The following TASOR2 variants were observed in gnomAD, a reference collection of about 807,000 sequenced individuals.
TASOR2 encodes the protein transcription activation suppressor family member 2, also known as protein TASOR 2.
Under a neutral mutation model 199.5 loss-of-function variants are expected in TASOR2, and 84 were observed. The observed-to-expected ratio is 0.42, with a 90% CI of 0.35 to 0.50. The LOEUF (loss-of-function observed/expected upper bound fraction) is 0.50. Among genes scored for constraint, TASOR2 ranks in the 20% least tolerant of loss-of-function variants. TASOR2 has a pLI of 0.02. For synonymous variants in TASOR2, 1,103 were observed against 1,046.6 expected, an observed-to-expected ratio of 1.05 and a Z score of -1.04; for missense variants, 2,796 against 2,835.9, an observed-to-expected ratio of 0.99 and a Z score of 0.32.
At chr10:5,756,781 T>A (rs1326943047) in intron 16 of TASOR2, 43 bp downstream of exon 17, 2 of 1,597,130 alleles carry the variant, frequency 1.3e-6, no homozygotes, top group Non-Finnish European at 1.7e-6. Flanking sequence ...TCCAGGCACA[T>A]AAGTTGTTCT....
exon 12 of TASOR2, chr10:5,735,502 T>C (rs368175007): frequency 6.2e-7 from 1 of 1,613,892 alleles, no homozygotes; most frequent in African/African-American, 1.3e-5. Flanking sequence ...GTAAATATAG[T>C]AAAAGGCAAT....
At chr10:5,695,985 C>T (rs1375891539) in intron 1 of TASOR2, among the ~76,000 whole-genome samples, 1 of 152,122 alleles carries the variant, frequency 6.6e-6, no homozygotes, top group East Asian at 1.9e-4. Flanking sequence ...CTCCCACACA[C>T]CCAGACAACT....
At position 5,701,186 on chromosome 10, in the gene TASOR2, G is replaced by C. The variant is rs902077965; in HGVS notation, c.-287-11637G>C. ...ATTTTGTATATGGTCAGATTGTTTT[G>C]TTCTTCTGCATGTAGTTATCCAGTT... On this transcript the variant is annotated intron_variant, in intron 1 of 20. Transcript: ENST00000328090. This position sits in a 1 kb window ranked among gnomAD's most constrained non-coding sequence, Gnocchi z 4.9. Among the ~76,000 whole-genome samples, 1 of 151,964 alleles carries C rather than the reference G, an allele frequency of 6.6e-6. No individual in the cohort carries two copies. Among genetic ancestry groups the C allele is most frequent in the Admixed American group, 6.6e-5 (1 of 15,252 alleles).
In TASOR2 at chr10:5,720,785, GT is replaced by G; in HGVS notation, c.46+13del. ...AACGCAGTGAAAATGGTAAGAAATA[GT>G]TCATTGATTCTTTTAGGTTTTTTTT... On this transcript the variant is annotated intron_variant, in intron 5 of 20. Coordinates refer to ENST00000328090, the Ensembl canonical transcript of TASOR2. This position sits in a 1 kb window ranked among gnomAD's most constrained non-coding sequence, Gnocchi z 5.3. 6 of 1,607,696 alleles carry G rather than the reference GT, an allele frequency of 3.7e-6. No homozygotes were observed. Among genetic ancestry groups the G allele is most frequent in the Non-Finnish European group, 5.1e-6 (6 of 1,178,276 alleles).
Position 5,756,690 on chromosome 10 carries a change from A to G in TASOR2, c.6684A>G (p.Thr2228=), listed in dbSNP as rs752397336. 3.1e-6 allele frequency: 5 copies of G among 1,613,430 alleles called. No homozygotes were observed. The Admixed American group carries it at 6.7e-5, about 22-fold the overall frequency. ...AAGCTTTCCACAGAGAGAATGATAC[A>G]CTAATCATCATCATCAGAAATGAAG... Residue 2228 remains threonine (T), a synonymous_variant, in exon 16 of 21, where the codon ACA becomes ACG. Coordinates refer to ENST00000328090, the Ensembl canonical transcript of TASOR2.
At chr10:5,724,681 CGATATA>C (rs1190929400) in intron 8 of TASOR2, 148 bp downstream of exon 9, 51 of 174,896 alleles carry the variant, frequency 2.9e-4, no homozygotes, top group Non-Finnish European at 5.6e-4. Flanking sequence ...AGATATAGAT[CGATATA>C]GATATATATT....
At position 5,730,037 on chromosome 10, in the gene TASOR2, A is replaced by G. The variant is rs1422817881; in HGVS notation, c.488-450A>G. On this transcript the variant is annotated intron_variant, in intron 10 of 20. Transcript: ENST00000328090. The surrounding 1 kb of genome is among the most constrained non-coding windows in gnomAD (Gnocchi z 4.1). Reference sequence around the variant, plus strand: ...ACTTTTTTCAGTTCAGTTGACTTGCACTAACTTCTGAAAAGAATTTGAAGT... The same window carrying G: ...ACTTTTTTCAGTTCAGTTGACTTGCGCTAACTTCTGAAAAGAATTTGAAGT... 6.6e-6 allele frequency among the ~76,000 whole-genome samples: 1 copy of G among 152,226 alleles called. No homozygotes were observed. Among genetic ancestry groups the G allele is most frequent in the Non-Finnish European group, 1.5e-5 (1 of 68,032 alleles).
chr10:5,702,396 T>C (rs1837980965), intron 1 of TASOR2, among the ~76,000 whole-genome samples: 1 of 152,176 alleles, frequency 6.6e-6, no homozygotes. Flanking sequence ...ATCTGTGATA[T>C]TGGCCTGTAG....
exon 7 of TASOR2, chr10:5,723,745 C>T (rs770261799): frequency 3.6e-5 from 57 of 1,601,420 alleles, no homozygotes; most frequent in Non-Finnish European, 4.9e-5. Flanking sequence ...CCAGAGGCTG[C>T]CTTCAGAAAA....
rs80215060 is a variant in TASOR2 at position 5,751,000 on chromosome 10, C to T, written c.6606+973C>T. ...CCAGTTATTTGGTGGAATTTCCTTC[C>T]GTTTGTGTTCATGTGTTGTTTCTCC... On this transcript the variant is annotated intron_variant, in intron 15 of 20. Transcript: ENST00000328090. The surrounding 1 kb of genome is among the most constrained non-coding windows in gnomAD (Gnocchi z 5.4). 0.024 allele frequency among the ~76,000 whole-genome samples: 3,635 copies of T among 152,222 alleles called. 52 individuals carry two copies. Among genetic ancestry groups the T allele is most frequent in the South Asian group, 0.037 (178 of 4,822 alleles).
rs1836226703 is a variant in TASOR2, at chr10:5,689,841, AC to A, written c.-288+4667del. Among the ~76,000 whole-genome samples, 1 of 152,152 alleles carries A rather than the reference AC, an allele frequency of 6.6e-6. No homozygotes were observed. Among genetic ancestry groups the A allele is most frequent in the African/African-American group, 2.4e-5 (1 of 41,442 alleles). On this transcript the variant is annotated intron_variant, in intron 1 of 20. Coordinates refer to ENST00000328090, the Ensembl canonical transcript of TASOR2. The surrounding 1 kb of genome is among the most constrained non-coding windows in gnomAD (Gnocchi z 4.1). ...TTCCCCAACAGACATACATTGCCAA[AC>A]TTGTGGATTTTTGATAATTTTTGAT...
rs1835908271 is a variant in TASOR2 at position 5,687,262 on chromosome 10, C to T, written c.-288+2087C>T. 6.6e-6 allele frequency among the ~76,000 whole-genome samples: 1 copy of T among 152,122 alleles called. No individual in the cohort carries two copies. The highest frequency in any genetic ancestry group is 2.4e-5 in the African/African-American group (1 of 41,400). On this transcript the variant is annotated intron_variant, in intron 1 of 20. Transcript: ENST00000328090. This position sits in a 1 kb window ranked among gnomAD's most constrained non-coding sequence, Gnocchi z 4.8. The stretch of plus-strand genomic sequence containing the variant: ...TTTCTACCCCAGGAGGAATGCGTTC[C>T]CTGCCCCCCGTTACCCTGGCCATTA...
At chr10:5,707,726 TCACACACA>T (rs5782856) in intron 1 of TASOR2, among the ~76,000 whole-genome samples, 13,553 of 128,860 alleles carry the variant, frequency 0.11, 910 homozygotes, top group East Asian at 0.26. Context: ...TCACTCATTT[TCACACACA>T]CACACACACA....
intron 1 of TASOR2, among the ~76,000 whole-genome samples, chr10:5,709,127 A>G (rs1386861784): frequency 1.3e-5 from 2 of 152,198 alleles, no homozygotes; most frequent in Admixed American, 1.3e-4. Flanking sequence ...AGTTTTGTTT[A>G]ATGAATATAT....
rs1396228178 is a variant in TASOR2 at position 5,752,268 on chromosome 10, G to A, written c.6606+2241G>A. On this transcript the variant is annotated intron_variant, in intron 15 of 20. Transcript: ENST00000328090. The surrounding 1 kb of genome is among the most constrained non-coding windows in gnomAD (Gnocchi z 4.4). Reference sequence around the variant, plus strand: ...TTAAAAGAGTCACACAAATAAATGTGAAATGAAAGTGATGGTAAATGTGAC... The same window carrying A: ...TTAAAAGAGTCACACAAATAAATGTAAAATGAAAGTGATGGTAAATGTGAC... Among the ~76,000 whole-genome samples, 2 of 152,206 alleles carry A rather than the reference G, an allele frequency of 1.3e-5. No individual in the cohort carries two copies. Among genetic ancestry groups the A allele is most frequent in the African/African-American group, 4.8e-5 (2 of 41,452 alleles).
At chr10:5,691,476 A>AT (rs1443710616) in intron 1 of TASOR2, among the ~76,000 whole-genome samples, 5 of 152,180 alleles carry the variant, frequency 3.3e-5, no homozygotes, top group African/African-American at 1.2e-4. Flanking sequence ...CCAAAAAAAA[A>AT]GTTTTTAAAA....
rs183480675 is a variant in TASOR2 at position 5,690,512 on chromosome 10, C to T, written c.-288+5337C>T. Among the ~76,000 whole-genome samples, 196 of 152,256 alleles carry T rather than the reference C, an allele frequency of 1.3e-3. 3 individuals carry two copies. The highest frequency in any genetic ancestry group is 4.4e-3 in the African/African-American group (184 of 41,546). On this transcript the variant is annotated intron_variant, in intron 1 of 20. Transcript: ENST00000328090. This position sits in a 1 kb window ranked among gnomAD's most constrained non-coding sequence, Gnocchi z 4.8. ...TGTGCATATCCCCTATTTATCTGTG[C>T]CCAGGACATTTTGCGTGGGCTACGT...
exon 11 of TASOR2, chr10:5,731,073 G>A: frequency 5.6e-6 from 9 of 1,614,028 alleles, no homozygotes; most frequent in Non-Finnish European, 7.6e-6. Context: ...TGCCCCACAT[G>A]GTGCAGAGTA....
At chr10:5,693,712 T>A (rs982734920) in intron 1 of TASOR2, among the ~76,000 whole-genome samples, 5 of 152,242 alleles carry the variant, frequency 3.3e-5, no homozygotes, top group Admixed American at 2.6e-4. Flanking sequence ...AAAGTGGAAA[T>A]AGCTTTATTT....
Sources: allele counts gnomAD v4.1 joint callset (sites outside exome capture counted in the v4.1 genomes callset), GRCh38; gene constraint gnomAD v4.1.1; non-coding constraint Gnocchi (gnomAD v3.1); transcripts MANE v1.5; gene names NCBI Gene and HGNC (gene_info 2026-07-23, HGNC 2026-07-21).